The following ESRRG variants were observed in gnomAD, a reference collection of about 807,000 sequenced individuals.
The protein encoded by ESRRG is estrogen-related receptor gamma.
A neutral mutation model predicts 44.0 loss-of-function variants in ESRRG; 13 were observed. The ratio of observed to expected loss-of-function variants is 0.30; its 90% CI spans 0.19 to 0.47. The LOEUF (loss-of-function observed/expected upper bound fraction) is 0.47, where lower values mean the gene tolerates loss of function less well. Among genes scored for constraint, ESRRG ranks in the 20% least tolerant of loss-of-function variants. The pLI is 1.00. For missense variants in ESRRG, 395 were observed against 580.6 expected, an observed-to-expected ratio of 0.68 and a Z score of 3.29; for synonymous variants, 215 against 214.6, an observed-to-expected ratio of 1.00 and a Z score of -0.02.
intron 2 of ESRRG, among the ~76,000 whole-genome samples, chr1:216,935,926 T>C (rs1199204154): frequency 6.6e-6 from 1 of 152,060 alleles, no homozygotes; most frequent in Non-Finnish European, 1.5e-5. Context: ...AGATTAGGGA[T>C]TTTTATAGCA....
At chr1:216,742,742 C>T (rs2090908803) in intron 2 of ESRRG, among the ~76,000 whole-genome samples, 1 of 151,952 alleles carries the variant, frequency 6.6e-6, no homozygotes, top group African/African-American at 2.4e-5. Flanking sequence ...GAAAATGAAT[C>T]GTTATGAACA....
rs187897023 is a variant in ESRRG at position 217,024,108 on chromosome 1, C to A, written c.-106+65399G>T. Among the ~76,000 whole-genome samples, 87 of 152,270 alleles carry A rather than the reference C, an allele frequency of 5.7e-4. 1 individual carries two copies. The highest frequency in any genetic ancestry group is 2.0e-3 in the African/African-American group (83 of 41,550). On this transcript the variant is annotated intron_variant, in intron 1 of 7. Coordinates refer to the ESRRG transcript ENST00000359162. ...GCACTGTGGCTCATGCCTGTAATTCCAGCACTTTGGGAAGCCCAGGTGGGC... is the reference window on the plus strand; with the variant it reads ...GCACTGTGGCTCATGCCTGTAATTCAAGCACTTTGGGAAGCCCAGGTGGGC...
rs371737416 is a variant in ESRRG, at chr1:217,104,788, A to G, written c.-230+32879T>C. 1.6e-4 allele frequency among the ~76,000 whole-genome samples: 24 copies of G among 152,350 alleles called. No homozygotes were observed. In the East Asian group the frequency reaches 2.3e-3, roughly 15 times the overall value. The stretch of plus-strand genomic sequence containing the variant: ...TGTGATCAGCAGCCACAGTTTTTCC[A>G]TTCATAATAGATTTTGTATCCAATA... On this transcript the variant is annotated intron_variant, in intron 1 of 8. Coordinates refer to the ESRRG transcript ENST00000366940.
intron 2 of ESRRG, among the ~76,000 whole-genome samples, chr1:216,814,119 G>GA (rs1007868130): frequency 6.6e-6 from 1 of 150,752 alleles, no homozygotes; most frequent in African/African-American, 2.4e-5. Flanking sequence ...TTGGTCATGG[G>GA]AAAAAAAAAA....
At position 216,511,547 on chromosome 1, in the gene ESRRG, T is replaced by TCACACA. The variant is rs79870471; in HGVS notation, c.1133-4370_1133-4365dup. 3.9e-3 allele frequency among the ~76,000 whole-genome samples: 572 copies of TCACACA among 144,940 alleles called. 4 individuals carry two copies. The highest frequency in any genetic ancestry group is 0.014 in the African/African-American group (538 of 39,604). On this transcript the variant is annotated intron_variant, in intron 6 of 6. Transcript: ENST00000408911. Reference sequence around the variant, plus strand: ...GGGTATTCCCAAAATATACATAAATTCACACACACACACACACAGACAAAT... The same window carrying TCACACA: ...GGGTATTCCCAAAATATACATAAATTCACACACACACACACACACACACAGACAAAT...
chr1:217,086,918 A>G (rs1474969504), intron 1 of ESRRG, among the ~76,000 whole-genome samples: 1 of 112,434 alleles, frequency 8.9e-6, no homozygotes, highest in Non-Finnish European at 2.3e-5. Context: ...AACACACAAG[A>G]CATTTTTTTT....
intron 1 of ESRRG, among the ~76,000 whole-genome samples, chr1:217,083,833 T>C (rs1283109920): frequency 3.3e-5 from 5 of 152,204 alleles, no homozygotes; most frequent in Non-Finnish European, 4.4e-5. Context: ...TGGAAAAATA[T>C]ATAGCCCATG....
intron 1 of ESRRG, among the ~76,000 whole-genome samples, chr1:217,017,494 A>AT (rs35981649): frequency 0.14 from 21,055 of 149,732 alleles, 2,024 homozygotes; most frequent in East Asian, 0.2. Flanking sequence ...AAAAAAAAAA[A>AT]AAAAGGAGAA....
intron 6 of ESRRG, among the ~76,000 whole-genome samples, chr1:216,512,439 C>A (rs939263529): frequency 3.9e-5 from 6 of 152,058 alleles, no homozygotes; most frequent in Admixed American, 2.6e-4. Flanking sequence ...CTTTGGAGTA[C>A]AGACTTAAAA....
At chr1:216,898,113 G>T (rs867796382) in intron 2 of ESRRG, among the ~76,000 whole-genome samples, 5 of 152,178 alleles carry the variant, frequency 3.3e-5, no homozygotes, top group Admixed American at 6.5e-5. Context: ...AGTGCAGGGG[G>T]AAAAAATCAG....
chr1:216,722,551 A>G (rs1180127195), intron 1 of ESRRG, among the ~76,000 whole-genome samples: 1 of 152,214 alleles, frequency 6.6e-6, no homozygotes, highest in Non-Finnish European at 1.5e-5. Flanking sequence ...CACTCTGAGC[A>G]GTATTTAAGG....
upstream of ESRRG, among the ~76,000 whole-genome samples, chr1:216,726,616 A>G (rs957826031): frequency 6.6e-6 from 1 of 152,194 alleles, no homozygotes; most frequent in Non-Finnish European, 1.5e-5. Context: ...TCTTACCACA[A>G]GGAGTCTACC....
chr1:216,693,688 G>C (rs2079542785), intron 1 of ESRRG, among the ~76,000 whole-genome samples: 1 of 152,036 alleles, frequency 6.6e-6, no homozygotes, highest in South Asian at 2.1e-4. Flanking sequence ...TAAAAAGTCT[G>C]TACATGTTCA....
At chr1:216,927,004 T>G (rs547449950) in intron 2 of ESRRG, among the ~76,000 whole-genome samples, 19 of 152,202 alleles carry the variant, frequency 1.2e-4, no homozygotes, top group Non-Finnish European at 2.5e-4. Context: ...GGGGGATTAG[T>G]GTCTAGAGAG....
chr1:217,112,044 G>A (rs972918688), intron 1 of ESRRG, among the ~76,000 whole-genome samples: 3 of 151,964 alleles, frequency 2.0e-5, no homozygotes, highest in African/African-American at 4.8e-5. Context: ...CCAAGATAAC[G>A]GCCAGCCCTG....
At chr1:216,549,151 T>A (rs1369896318) in intron 5 of ESRRG, among the ~76,000 whole-genome samples, 1 of 151,928 alleles carries the variant, frequency 6.6e-6, no homozygotes, top group Non-Finnish European at 1.5e-5. Flanking sequence ...ATTTAGCAAC[T>A]TACACTGGAG....
intron 1 of ESRRG, among the ~76,000 whole-genome samples, chr1:217,044,680 G>A (rs1413215399): frequency 6.6e-6 from 1 of 152,104 alleles, no homozygotes. Flanking sequence ...CATATTTTCT[G>A]ACTGGCACTT....
chr1:217,074,517 A>T (rs1269114036), intron 1 of ESRRG, among the ~76,000 whole-genome samples: 1 of 151,874 alleles, frequency 6.6e-6, no homozygotes, highest in East Asian at 1.9e-4. Flanking sequence ...AATAATGAAT[A>T]TAAATATTAC....
intron 1 of ESRRG, among the ~76,000 whole-genome samples, chr1:217,047,472 C>A (rs1376971283): frequency 1.3e-5 from 2 of 152,142 alleles, no homozygotes; most frequent in Non-Finnish European, 2.9e-5. Context: ...GTCAATCCCA[C>A]CTTCTAGATA....
Sources: gnomAD v4.1 joint callset for allele counts (sites outside exome capture counted in the v4.1 genomes callset) on GRCh38, gnomAD v4.1.1 for gene constraint, MANE v1.5 for transcripts, NCBI Gene and HGNC (gene_info 2026-07-23, HGNC 2026-07-21) for gene names.